Variants in GTF2I observed in about 807,000 individuals in gnomAD.
The protein encoded by GTF2I is general transcription factor II-I.
GTF2I carries 12 observed loss-of-function variants against 67.6 expected under a neutral mutation model. That is an observed-to-expected ratio of 0.18 (90% CI 0.11 to 0.29). GTF2I has a LOEUF of 0.29. Ranked by LOEUF, GTF2I falls within the 10% of genes least tolerant of loss-of-function variation. The probability of loss-of-function intolerance (pLI) is 1.00; values close to 1 mark genes in which losing one functional copy is unlikely to be tolerated. For synonymous variants in GTF2I, 149 were observed against 197.0 expected, an observed-to-expected ratio of 0.76 and a Z score of 2.04; for missense variants, 271 against 580.1, an observed-to-expected ratio of 0.47 and a Z score of 5.47.
At chr7:74,662,643 C>T (rs1804626298) in intron 1 of GTF2I, among the ~76,000 whole-genome samples, 1 of 147,146 alleles carries the variant, frequency 6.8e-6, no homozygotes, top group Non-Finnish European at 1.5e-5. Context: ...CTGACTGAGC[C>T]TCCTGAGTAG....
rs114613029 is a variant in GTF2I at position 74,667,536 on chromosome 7, G to A, written c.-6+9468G>A. Reference sequence around the variant, plus strand: ...TTTAACCTTTTTTTGTGGGGGGAGGGACGGGATGTCACTCTGTTGCCCAGG... The same window carrying A: ...TTTAACCTTTTTTTGTGGGGGGAGGAACGGGATGTCACTCTGTTGCCCAGG... On this transcript the variant is annotated intron_variant, in intron 1 of 34. Transcript: ENST00000573035. Among the ~76,000 whole-genome samples the A allele has an allele frequency of 6.3e-3, 956 of 152,116 alleles. 11 individuals carry two copies. Among genetic ancestry groups the A allele is most frequent in the African/African-American group, 0.022 (907 of 41,512 alleles).
chr7:74,753,003 A>G (rs1554410194), intron 28 of GTF2I, 91 bp from the exon 29 acceptor site: 2 of 1,295,230 alleles, frequency 1.5e-6, no homozygotes, highest in African/African-American at 2.9e-5. Flanking sequence ...GTTCAAGGCC[A>G]GTCTGGGCAA....
At chr7:74,737,167 T>C (rs1794872835) in intron 18 of GTF2I, among the ~76,000 whole-genome samples, 1 of 147,812 alleles carries the variant, frequency 6.8e-6, no homozygotes, top group Non-Finnish European at 1.5e-5. Context: ...CACTCCAGCC[T>C]GGGCAACAGA....
intron 8 of GTF2I, among the ~76,000 whole-genome samples, chr7:74,708,473 G>A (rs1012863667): frequency 1.3e-4 from 20 of 152,274 alleles, no homozygotes; most frequent in African/African-American, 3.4e-4. Context: ...TGGTGCTGGT[G>A]GCTGAGGGGC....
At chr7:74,688,503 C>T (rs1787946850) in intron 1 of GTF2I, among the ~76,000 whole-genome samples, 1 of 152,158 alleles carries the variant, frequency 6.6e-6, no homozygotes, top group South Asian at 2.1e-4. Context: ...GTCACCCAGA[C>T]TGGAGTGCAG....
intron 2 of GTF2I, among the ~76,000 whole-genome samples, chr7:74,689,991 A>G (rs939862579): frequency 7.2e-5 from 11 of 152,008 alleles, no homozygotes; most frequent in Non-Finnish European, 1.5e-4. Context: ...TGCTGGGATT[A>G]TAGGCTGAGG....
At chr7:74,671,472 C>T (rs1428050237) in intron 1 of GTF2I, among the ~76,000 whole-genome samples, 2 of 148,896 alleles carry the variant, frequency 1.3e-5, no homozygotes, top group Admixed American at 6.7e-5. Flanking sequence ...TCTGAAGTGT[C>T]TTGTTTTTTT....
intron 1 of GTF2I, among the ~76,000 whole-genome samples, chr7:74,683,961 G>A (rs749908444): frequency 1.3e-5 from 2 of 151,776 alleles, no homozygotes; most frequent in African/African-American, 4.8e-5. Context: ...TTCTTCCACG[G>A]CCTCTTTTAC....
At position 74,716,827 on chromosome 7, in the gene GTF2I, A is replaced by G. The variant is rs782078700; in HGVS notation, c.824-67A>G. The G allele has an allele frequency of 8.8e-5, 90 of 1,020,840 alleles. No individual in the cohort carries two copies. In the Middle Eastern group the frequency reaches 1.2e-3, roughly 14 times the overall value. 63.2% of individuals were successfully genotyped at this position (1,020,840 alleles called of 1,614,324 possible). ...TCTTAGATTGTTTGCATTGTTACCT[A>G]GATTCTCTTTCATCTTTCAATGTCA... is the stretch of plus-strand genomic sequence containing the variant. On this transcript the variant is annotated intron_variant, in intron 10 of 34. Coordinates refer to ENST00000573035, the MANE Select transcript of GTF2I (RefSeq NM_032999.4).
intron 12 of GTF2I, chr7:74,727,008 G>A (rs1350408847): frequency 2.0e-5 from 3 of 152,288 alleles, no homozygotes; most frequent in African/African-American, 7.2e-5. Context: ...ATTTGAACAT[G>A]TTTTTCTAAA....
At chr7:74,693,408 A>G (rs1383419788) in intron 3 of GTF2I, among the ~76,000 whole-genome samples, 1 of 149,266 alleles carries the variant, frequency 6.7e-6, no homozygotes, top group African/African-American at 2.5e-5. Flanking sequence ...TGATGTTACT[A>G]TTGTAATTGT....
chr7:74,720,073 A>G (rs1792744770), intron 12 of GTF2I, among the ~76,000 whole-genome samples: 1 of 152,340 alleles, frequency 6.6e-6, no homozygotes, highest in Admixed American at 6.5e-5. Flanking sequence ...CCAAGTCCCA[A>G]TACTGAGGGA....
intron 6 of GTF2I, among the ~76,000 whole-genome samples, chr7:74,702,273 G>T (rs1188001386): frequency 3.3e-5 from 5 of 151,058 alleles, no homozygotes; most frequent in African/African-American, 1.2e-4. Flanking sequence ...CTGTCACCAA[G>T]TTGGAGTGCA....
At chr7:74,715,977 T>G (rs1554403543) in intron 10 of GTF2I, among the ~76,000 whole-genome samples, 2 of 152,140 alleles carry the variant, frequency 1.3e-5, no homozygotes, top group Non-Finnish European at 2.9e-5. Context: ...TAGTATAGCT[T>G]CTGAATTTAG....
intron 1 of GTF2I, among the ~76,000 whole-genome samples, chr7:74,664,761 T>C (rs1804822078): frequency 6.6e-6 from 1 of 151,546 alleles, no homozygotes; most frequent in Admixed American, 6.6e-5. Context: ...TTTAAAGAAC[T>C]AGTTACTTAA....
intron 1 of GTF2I, among the ~76,000 whole-genome samples, chr7:74,663,855 G>A (rs1804730479): frequency 6.6e-6 from 1 of 151,880 alleles, no homozygotes; most frequent in Non-Finnish European, 1.5e-5. Context: ...TTGAGACAGA[G>A]TCTCGCTTTT....
intron 3 of GTF2I, among the ~76,000 whole-genome samples, chr7:74,695,224 C>G (rs2131312372): frequency 6.6e-6 from 1 of 152,152 alleles, no homozygotes; most frequent in South Asian, 2.1e-4. Flanking sequence ...TCCATGAACA[C>G]TGTTGAAATG....
At chr7:74,690,863 T>C (rs1401106838) in intron 2 of GTF2I, 110 bp from the exon 3 acceptor site, 5 of 1,035,914 alleles carry the variant, frequency 4.8e-6, no homozygotes, top group Non-Finnish European at 7.2e-6. Context: ...AAAAACTATC[T>C]TGAAAGAGAA....
At chr7:74,683,759 A>C (rs1437460620) in intron 1 of GTF2I, among the ~76,000 whole-genome samples, 1 of 152,136 alleles carries the variant, frequency 6.6e-6, no homozygotes, top group African/African-American at 2.4e-5. Flanking sequence ...AGGCAGAGGC[A>C]GGAGAATTAC....
Sources: gnomAD v4.1 joint callset for allele counts (sites outside exome capture counted in the v4.1 genomes callset) on GRCh38, gnomAD v4.1.1 for gene constraint, MANE v1.5 for transcripts, NCBI Gene and HGNC (gene_info 2026-07-23, HGNC 2026-07-21) for gene names.